CCDC148: variants seen among roughly 807,000 people sequenced by gnomAD.
CCDC148 encodes coiled-coil domain containing 148.
A neutral mutation model predicts 85.7 loss-of-function variants in CCDC148; 89 were observed. The ratio of observed to expected loss-of-function variants is 1.04; its 90% CI spans 0.87 to 1.24. The LOEUF (loss-of-function observed/expected upper bound fraction) is 1.24. Among genes scored for constraint, CCDC148 ranks in the 50% most tolerant of loss-of-function variants. The pLI is 0.00. For missense variants in CCDC148, 692 were observed against 671.7 expected, an observed-to-expected ratio of 1.03 and a Z score of -0.33; for synonymous variants, 230 against 213.9, an observed-to-expected ratio of 1.08 and a Z score of -0.66.
chr2:158,230,615 C>T (rs1687809093), intron 10 of CCDC148, among the ~76,000 whole-genome samples: 1 of 150,266 alleles, frequency 6.7e-6, no homozygotes, highest in Admixed American at 6.8e-5. Context: ...AAGGAAAAGC[C>T]ATTGAAGAGA....
chr2:158,349,593 A>G (rs993798159), intron 2 of CCDC148, among the ~76,000 whole-genome samples: 6 of 152,058 alleles, frequency 3.9e-5, no homozygotes, highest in African/African-American at 1.4e-4. Flanking sequence ...CACTTAAGCC[A>G]TGAGTCTTTT....
intron 1 of CCDC148, among the ~76,000 whole-genome samples, chr2:158,392,978 G>A (rs758147313): frequency 2.8e-4 from 42 of 151,946 alleles, no homozygotes; most frequent in Non-Finnish European, 5.1e-4. Flanking sequence ...TACATTACAA[G>A]TATTATCTAC....
chr2:158,421,330 T>A (rs138254195), intron 1 of CCDC148, among the ~76,000 whole-genome samples: 25,307 of 151,972 alleles, frequency 0.17, 2,268 homozygotes, highest in Middle Eastern at 0.21. Flanking sequence ...TTGACCACAT[T>A]GTTGGAAGTA....
intron 1 of CCDC148, among the ~76,000 whole-genome samples, chr2:158,435,989 G>C (rs1020036843): frequency 6.6e-6 from 1 of 152,094 alleles, no homozygotes; most frequent in Non-Finnish European, 1.5e-5. Context: ...AGTTCTTAGA[G>C]ACCTACAAAG....
intron 13 of CCDC148, among the ~76,000 whole-genome samples, chr2:158,176,247 A>G (rs1574337699): frequency 1.3e-5 from 2 of 152,048 alleles, no homozygotes; most frequent in African/African-American, 4.8e-5. Flanking sequence ...ATAAAATTTT[A>G]TAAAGCATTT....
intron 11 of CCDC148, among the ~76,000 whole-genome samples, chr2:158,219,191 C>A (rs948658377): frequency 6.6e-6 from 1 of 152,134 alleles, no homozygotes; most frequent in Admixed American, 6.5e-5. Context: ...AATTTTTTTA[C>A]AGCGACTAAC....
intron 1 of CCDC148, among the ~76,000 whole-genome samples, chr2:158,406,941 C>G (rs560601957): frequency 2.6e-5 from 4 of 152,102 alleles, no homozygotes; most frequent in South Asian, 4.2e-4. Context: ...TACATTTCCA[C>G]AAGATAATTA....
intron 7 of CCDC148, among the ~76,000 whole-genome samples, chr2:158,329,258 T>C (rs2105229741): frequency 6.6e-6 from 1 of 152,310 alleles, no homozygotes; most frequent in Admixed American, 6.5e-5. Flanking sequence ...CCAGCACCAT[T>C]TATTAAATAG....
intron 9 of CCDC148, among the ~76,000 whole-genome samples, chr2:158,301,288 G>A (rs1285664085): frequency 6.6e-6 from 1 of 152,216 alleles, no homozygotes; most frequent in South Asian, 2.1e-4. Flanking sequence ...TGATAGAAAA[G>A]AAGGGGCAGA....
chr2:158,401,466 T>C (rs12694957), intron 1 of CCDC148, among the ~76,000 whole-genome samples: 108,940 of 152,002 alleles, frequency 0.72, 39,849 homozygotes, highest in East Asian at 0.82. Context: ...AACCAAACAC[T>C]GCATATTCTC....
chr2:158,363,034 A>G lies in CCDC148; in HGVS notation c.26-4464T>C, dbSNP rs544914182. ...CAAACTACCATCACAGAATACTATA[A>G]ATACCTCTATGCAAATGAACTAGAA... On this transcript the variant is annotated intron_variant, in intron 1 of 13. Transcript: ENST00000283233. Among the ~76,000 whole-genome samples the G allele has an allele frequency of 5.9e-5, 9 of 152,368 alleles. No individual in the cohort carries two copies. In the East Asian group the frequency reaches 1.7e-3, roughly 29 times the overall value.
chr2:158,354,710 C>G (rs976783145), intron 2 of CCDC148, among the ~76,000 whole-genome samples: 2 of 151,746 alleles, frequency 1.3e-5, no homozygotes, highest in Non-Finnish European at 2.9e-5. Flanking sequence ...AAGAGGGAAT[C>G]CTCCCTAACT....
chr2:158,179,035 T>C (rs1381461893), intron 11 of CCDC148, 39 bp from the exon 12 acceptor site: 3 of 1,468,152 alleles, frequency 2.0e-6, no homozygotes, highest in East Asian at 4.5e-5. Context: ...GGAAGCATCA[T>C]AATAATATTG....
chr2:158,362,461 T>C (rs1168692589), intron 1 of CCDC148, among the ~76,000 whole-genome samples: 8 of 151,020 alleles, frequency 5.3e-5, no homozygotes, highest in Non-Finnish European at 1.0e-4. Flanking sequence ...ATGGATATTA[T>C]AGCAGTCTCT....
chr2:158,335,827 T>C (rs1447811562), intron 7 of CCDC148, among the ~76,000 whole-genome samples: 1 of 152,116 alleles, frequency 6.6e-6, no homozygotes, highest in Non-Finnish European at 1.5e-5. Flanking sequence ...AGCTAGTCAC[T>C]GTGACCTGGG....
chr2:158,298,918 T>G (rs1691316585), intron 9 of CCDC148, among the ~76,000 whole-genome samples: 1 of 152,198 alleles, frequency 6.6e-6, no homozygotes, highest in Non-Finnish European at 1.5e-5. Context: ...TTGGTAATTT[T>G]CATCATATTT....
intron 10 of CCDC148, among the ~76,000 whole-genome samples, chr2:158,247,220 T>C (rs1688604028): frequency 6.6e-6 from 1 of 151,874 alleles, no homozygotes; most frequent in Non-Finnish European, 1.5e-5. Flanking sequence ...GAAAGAAAAC[T>C]CTCCAGTAAA....
chr2:158,291,242 G>A (rs932582653), intron 9 of CCDC148, among the ~76,000 whole-genome samples: 1 of 151,922 alleles, frequency 6.6e-6, no homozygotes, highest in Non-Finnish European at 1.5e-5. Context: ...CATGTGCCAC[G>A]GTCCCCAGGT....
intron 1 of CCDC148, among the ~76,000 whole-genome samples, chr2:158,381,542 T>C (rs754193365): frequency 6.6e-6 from 1 of 152,120 alleles, no homozygotes; most frequent in South Asian, 2.1e-4. Context: ...ACAACTTCTT[T>C]AGAAAAAAAT....
Sources: gnomAD v4.1 joint callset for allele counts (sites outside exome capture counted in the v4.1 genomes callset) on GRCh38, gnomAD v4.1.1 for gene constraint, MANE v1.5 for transcripts, NCBI Gene and HGNC (gene_info 2026-07-23, HGNC 2026-07-21) for gene names.